The following DSCAML1 variants were observed in gnomAD, a reference collection of about 807,000 sequenced individuals.
The protein encoded by DSCAML1 is cell adhesion molecule DSCAML1.
Under a neutral mutation model 200.5 loss-of-function variants are expected in DSCAML1, and 38 were observed. The observed-to-expected ratio is 0.19, with a 90% CI of 0.15 to 0.25. The LOEUF (loss-of-function observed/expected upper bound fraction) is 0.25. DSCAML1 is among the 10% of genes least tolerant of loss of function. DSCAML1 has a pLI of 1.00. For synonymous variants in DSCAML1, 1,215 were observed against 1,165.0 expected, an observed-to-expected ratio of 1.04 and a Z score of -0.87; for missense variants, 2,223 against 2,858.8, an observed-to-expected ratio of 0.78 and a Z score of 5.07.
chr11:117,515,258 G>A (rs981871878), intron 8 of DSCAML1, among the ~76,000 whole-genome samples: 1 of 152,124 alleles, frequency 6.6e-6, no homozygotes, highest in East Asian at 1.9e-4. Flanking sequence ...TCACAGCCGT[G>A]GCTGACTCAG....
chr11:117,478,378 T>C (rs1045994479), intron 14 of DSCAML1, among the ~76,000 whole-genome samples: 2 of 152,138 alleles, frequency 1.3e-5, no homozygotes, highest in Non-Finnish European at 2.9e-5. Context: ...TCCTGTTTAC[T>C]CCTGGGTGGC....
At chr11:117,496,374 C>T (rs914533223) in intron 11 of DSCAML1, among the ~76,000 whole-genome samples, 38 of 152,210 alleles carry the variant, frequency 2.5e-4, no homozygotes, top group East Asian at 1.9e-4. Flanking sequence ...CCCCACCATT[C>T]AGAGGGGCTT....
intron 3 of DSCAML1, among the ~76,000 whole-genome samples, chr11:117,558,963 G>A (rs1018813173): frequency 4.6e-5 from 7 of 152,114 alleles, no homozygotes; most frequent in Non-Finnish European, 7.4e-5. Context: ...TGCCAAGGTC[G>A]TCTAGCTATT....
chr11:117,464,727 A>C (rs79396772), intron 17 of DSCAML1, among the ~76,000 whole-genome samples: 2 of 152,230 alleles, frequency 1.3e-5, no homozygotes, highest in African/African-American at 4.8e-5. Flanking sequence ...AGCATCGGTC[A>C]AAAGGAAGGA....
intron 3 of DSCAML1, among the ~76,000 whole-genome samples, chr11:117,625,761 G>T (rs190492169): frequency 8.5e-5 from 13 of 152,224 alleles, no homozygotes; most frequent in African/African-American, 2.9e-4. Flanking sequence ...AACAATGCCT[G>T]TGGGTGCTAC....
chr11:117,692,770 G>A (rs1353348741), intron 3 of DSCAML1, among the ~76,000 whole-genome samples: 2 of 152,132 alleles, frequency 1.3e-5, no homozygotes, highest in African/African-American at 2.4e-5. Context: ...CCTGCACGGA[G>A]GTATTTATTG....
At position 117,465,051 on chromosome 11, in the gene DSCAML1, G is replaced by A. The variant is rs199842813; in HGVS notation, c.3156C>T (p.Thr1052=). The change falls in exon 17 of 33, where the codon ACC becomes ACT. Residue 1052 remains threonine (T), a synonymous_variant. Transcript: ENST00000651296. Reference sequence around the variant, plus strand: ...GGGCGAACTTCTTGAGGTTGTCCAGGGTGTAGACCTCGCTGTCCCCCGTGG... The same window carrying A: ...GGGCGAACTTCTTGAGGTTGTCCAGAGTGTAGACCTCGCTGTCCCCCGTGG... ...MKATGDSEVY[T]LDNLKKFAQY... is the part of the protein sequence containing the mutation. 1.4e-4 allele frequency: 218 copies of A among 1,614,114 alleles called. 1 individual carries two copies. The highest frequency in any genetic ancestry group is 9.5e-4 in the Admixed American group (57 of 60,014).
At chr11:117,459,027 G>C in intron 18 of DSCAML1, 118 bp from the exon 19 acceptor site, 1 of 1,345,430 alleles carries the variant, frequency 7.4e-7, no homozygotes, top group Non-Finnish European at 1.0e-6. Flanking sequence ...TCGACTCCAT[G>C]GTGGCGAGGA....
intron 3 of DSCAML1, among the ~76,000 whole-genome samples, chr11:117,775,505 C>G (rs1165981720): frequency 6.6e-6 from 1 of 152,130 alleles, no homozygotes; most frequent in Non-Finnish European, 1.5e-5. Context: ...CATCCTGCTA[C>G]AAGCTCTGAA....
At chr11:117,746,716 A>C (rs548799525) in intron 3 of DSCAML1, among the ~76,000 whole-genome samples, 1 of 152,006 alleles carries the variant, frequency 6.6e-6, no homozygotes, top group East Asian at 1.9e-4. Flanking sequence ...CAGGGACCCT[A>C]GGGTGCTCCC....
intron 3 of DSCAML1, among the ~76,000 whole-genome samples, chr11:117,540,859 T>C (rs1344417741): frequency 6.6e-6 from 1 of 150,594 alleles, no homozygotes; most frequent in Non-Finnish European, 1.5e-5. Context: ...ATAAAAAAAG[T>C]TGGAATGAGT....
intron 3 of DSCAML1, among the ~76,000 whole-genome samples, chr11:117,574,451 C>G (rs1305140554): frequency 6.6e-6 from 1 of 152,216 alleles, no homozygotes; most frequent in East Asian, 1.9e-4. Flanking sequence ...GGCCCACATC[C>G]TTTCTGCAAA....
At chr11:117,784,807 T>A (rs1376278158) in intron 1 of DSCAML1, among the ~76,000 whole-genome samples, 3 of 152,148 alleles carry the variant, frequency 2.0e-5, no homozygotes, top group African/African-American at 4.8e-5. Flanking sequence ...GATTGCACCA[T>A]CTTAGCTGCC....
chr11:117,667,295 C>T (rs2052998961), intron 3 of DSCAML1, among the ~76,000 whole-genome samples: 1 of 152,152 alleles, frequency 6.6e-6, no homozygotes, highest in African/African-American at 2.4e-5. Context: ...GCCTATAATC[C>T]TAGCTACTCG....
chr11:117,672,121 A>AAAAAAAAAG (rs1555196996), intron 3 of DSCAML1, among the ~76,000 whole-genome samples: 2 of 147,474 alleles, frequency 1.4e-5, no homozygotes, highest in African/African-American at 5.0e-5. Context: ...AAAAAAAAAA[A>AAAAAAAAAG]AAGAAGAAAC....
At chr11:117,622,270 C>T (rs1239693385) in intron 3 of DSCAML1, among the ~76,000 whole-genome samples, 1 of 152,210 alleles carries the variant, frequency 6.6e-6, no homozygotes, top group Non-Finnish European at 1.5e-5. Flanking sequence ...CCTGCTTCAC[C>T]ATGGAGACAC....
At chr11:117,668,049 T>C (rs1254101374) in intron 3 of DSCAML1, among the ~76,000 whole-genome samples, 2 of 152,214 alleles carry the variant, frequency 1.3e-5, no homozygotes, top group African/African-American at 4.8e-5. Context: ...ATACACATGG[T>C]CCCCTTTATT....
chr11:117,569,224 A>T (rs1326908998), intron 3 of DSCAML1, among the ~76,000 whole-genome samples: 1 of 152,210 alleles, frequency 6.6e-6, no homozygotes, highest in Admixed American at 6.5e-5. Flanking sequence ...TCAATTCAAG[A>T]TGGATTACAG....
At chr11:117,621,565 A>G (rs1389615871) in intron 3 of DSCAML1, among the ~76,000 whole-genome samples, 1 of 152,210 alleles carries the variant, frequency 6.6e-6, no homozygotes, top group Admixed American at 6.5e-5. Context: ...AAGCAGGTCC[A>G]TTTTCTTTAA....
Sources: gnomAD v4.1 joint callset for allele counts (sites outside exome capture counted in the v4.1 genomes callset) on GRCh38, gnomAD v4.1.1 for gene constraint, MANE v1.5 for transcripts, NCBI Gene and HGNC (gene_info 2026-07-23, HGNC 2026-07-21) for gene names.